The following MGARP variants were observed in gnomAD, a reference collection of about 807,000 sequenced individuals.
MGARP encodes the protein protein MGARP.
Under a neutral mutation model 11.0 loss-of-function variants are expected in MGARP, and 12 were observed. The ratio of observed to expected loss-of-function variants is 1.09; its 90% CI spans 0.70 to 1.77. MGARP has a LOEUF of 1.77. Among genes scored for constraint, MGARP ranks in the 40% most tolerant of loss-of-function variants. The pLI is 0.00. For missense variants in MGARP, 283 were observed against 297.8 expected (o/e 0.95, Z 0.36); for synonymous variants, 110 against 115.4 (o/e 0.95, Z 0.30).
Position 139,280,185 on chromosome 4 carries a change from C to A in MGARP, c.-27G>T, listed in dbSNP as rs773411416. ...GCGCCCGCTGTCCGCCGCGCAGCAG[C>A]CTCGGTACCCAGGCGCAGGCTGCCC... On this transcript the variant is annotated 5_prime_UTR_variant, in exon 1 of 4. Coordinates refer to ENST00000398955, the MANE Select transcript of MGARP (RefSeq NM_032623.4). The A allele has an allele frequency of 6.3e-7, 1 of 1,596,436 alleles. No homozygotes were observed. Among genetic ancestry groups the A allele is most frequent in the Admixed American group, 1.7e-5 (1 of 58,478 alleles).
rs79758182 is a variant in MGARP at position 139,271,717 on chromosome 4, G to C, written c.187-2952C>G. 8.3e-3 allele frequency among the ~76,000 whole-genome samples: 1,268 copies of C among 152,264 alleles called. 20 individuals carry two copies. Among genetic ancestry groups the C allele is most frequent in the African/African-American group, 0.029 (1,195 of 41,548 alleles). On this transcript the variant is annotated intron_variant, in intron 2 of 3. Transcript: ENST00000398955. ...GGAGAACAAGTATACAGGTTTTGGA[G>C]TGCCTTACATTCAGCATTTCCTCCT... is the stretch of plus-strand genomic sequence containing the variant.
chr4:139,268,585 G>GT, intron 3 of MGARP, 87 bp downstream of exon 3: 1 of 894,882 alleles, frequency 1.1e-6, no homozygotes, highest in Non-Finnish European at 1.7e-6. Flanking sequence ...GAAGCCAAAA[G>GT]CAAATAGTGT....
At chr4:139,276,699 A>G (rs1211057911) in intron 1 of MGARP, among the ~76,000 whole-genome samples, 1 of 152,038 alleles carries the variant, frequency 6.6e-6, no homozygotes, top group Non-Finnish European at 1.5e-5. Context: ...ATTTTATAAT[A>G]TTAGCTGAGA....
At chr4:139,275,422 C>A in intron 1 of MGARP, 30 bp from the exon 2 acceptor site, 1 of 1,559,080 alleles carries the variant, frequency 6.4e-7, no homozygotes, top group South Asian at 1.1e-5. Flanking sequence ...ACACAGTTAG[C>A]TTCACTAGTT....
At chr4:139,279,780 C>T (rs763795867) in intron 1 of MGARP, among the ~76,000 whole-genome samples, 4 of 152,206 alleles carry the variant, frequency 2.6e-5, no homozygotes, top group Non-Finnish European at 5.9e-5. Context: ...AAAGGAAAAC[C>T]ATCATCGCCC....
intron 1 of MGARP, 106 bp downstream of exon 1, chr4:139,279,971 C>T (rs922856571): frequency 8.6e-6 from 10 of 1,156,516 alleles, no homozygotes; most frequent in Non-Finnish European, 1.3e-5. Flanking sequence ...GCTTCTGCTG[C>T]TCTGGGTCGG....
intron 1 of MGARP, among the ~76,000 whole-genome samples, chr4:139,278,923 T>C (rs756432869): frequency 6.6e-5 from 10 of 152,050 alleles, no homozygotes; most frequent in Non-Finnish European, 1.5e-4. Flanking sequence ...TAGACCTCCG[T>C]CCTTCCCTCC....
At chr4:139,267,790 T>C (rs1389747292) in intron 3 of MGARP, among the ~76,000 whole-genome samples, 2 of 152,090 alleles carry the variant, frequency 1.3e-5, no homozygotes, top group African/African-American at 4.8e-5. Flanking sequence ...TAGTAATTGA[T>C]AATAATAGCT....
At chr4:139,271,572 C>T (rs1424624790) in intron 2 of MGARP, among the ~76,000 whole-genome samples, 2 of 152,106 alleles carry the variant, frequency 1.3e-5, no homozygotes, top group Non-Finnish European at 2.9e-5. Context: ...CCAATGACCC[C>T]TAATAGTCGA....
At chr4:139,275,930 T>A (rs935340908) in intron 1 of MGARP, among the ~76,000 whole-genome samples, 1 of 152,162 alleles carries the variant, frequency 6.6e-6, no homozygotes, top group Admixed American at 6.5e-5. Flanking sequence ...AAAGCAAATA[T>A]GGGCAGATAA....
rs1163554839 is a variant in MGARP, at chr4:139,266,666, G to A, written c.656C>T (p.Ser219Phe). ...EEENSPAESE[S>F]SAGDDLQEEA... ...CTCCTGTAAATCATCTCCAGCAGAGGACTCTGACTCAGCTGGAGAATTTTC... is the reference window on the plus strand; with the variant it reads ...CTCCTGTAAATCATCTCCAGCAGAGAACTCTGACTCAGCTGGAGAATTTTC... The change falls in exon 4 of 4, where the codon TCC becomes TTC. Residue 219 changes from serine (S) to phenylalanine (F), a missense_variant. Transcript: ENST00000398955. 2 of 1,614,030 alleles carry A rather than the reference G, an allele frequency of 1.2e-6. No individual in the cohort carries two copies. The highest frequency in any genetic ancestry group is 2.7e-5 in the African/African-American group (2 of 74,912).
chr4:139,274,484 T>A (rs1373721039), intron 2 of MGARP, among the ~76,000 whole-genome samples: 1 of 152,058 alleles, frequency 6.6e-6, no homozygotes, highest in Non-Finnish European at 1.5e-5. Context: ...TTATATTAAT[T>A]TTTTTAAATT....
intron 3 of MGARP, among the ~76,000 whole-genome samples, chr4:139,267,463 A>T (rs1414400298): frequency 1.3e-5 from 2 of 152,186 alleles, no homozygotes; most frequent in Non-Finnish European, 2.9e-5. Context: ...TTCATATGAG[A>T]CAGCATGGAA....
At position 139,266,984 on chromosome 4, in the gene MGARP, A is replaced by G; in HGVS notation, c.338T>C (p.Leu113Pro). 1 of 1,614,152 alleles carries G rather than the reference A, an allele frequency of 6.2e-7. No homozygotes were observed. Among genetic ancestry groups the G allele is most frequent in the Non-Finnish European group, 8.5e-7 (1 of 1,180,028 alleles). Residue 113 changes from leucine to proline, a missense_variant, in exon 4 of 4, where the codon CTT becomes CCT. Transcript: ENST00000398955. ...EKASSEAPEELIVEAEVVDAE... is the reference protein window; with the variant it reads ...EKASSEAPEEPIVEAEVVDAE... ...ATCTACCACCTCAGCTTCCACTATA[A>G]GTTCTTCTGGGGCTTCTGAACTTGC... is the stretch of plus-strand genomic sequence containing the variant.
chr4:139,267,246 AG>A (rs1307279745), intron 3 of MGARP, among the ~76,000 whole-genome samples: 2 of 152,108 alleles, frequency 1.3e-5, no homozygotes, highest in Non-Finnish European at 2.9e-5. Context: ...TTGGAGCAGG[AG>A]GGGGGTAAGT....
At chr4:139,271,527 A>C (rs1744781515) in intron 2 of MGARP, among the ~76,000 whole-genome samples, 1 of 152,200 alleles carries the variant, frequency 6.6e-6, no homozygotes, top group Non-Finnish European at 1.5e-5. Context: ...CCAGACCCTC[A>C]AAAAAACTGG....
At chr4:139,278,615 C>T (rs993756215) in intron 1 of MGARP, among the ~76,000 whole-genome samples, 12 of 151,990 alleles carry the variant, frequency 7.9e-5, no homozygotes, top group Non-Finnish European at 1.2e-4. Flanking sequence ...TGTGCGTGCA[C>T]GCGCGCATGA....
At chr4:139,274,706 C>A (rs1174533521) in intron 2 of MGARP, among the ~76,000 whole-genome samples, 1 of 152,160 alleles carries the variant, frequency 6.6e-6, no homozygotes, top group African/African-American at 2.4e-5. Context: ...AGGCCTCGAA[C>A]TCCTGACCTT....
At chr4:139,270,251 G>C (rs1744758059) in intron 2 of MGARP, among the ~76,000 whole-genome samples, 1 of 145,118 alleles carries the variant, frequency 6.9e-6, no homozygotes, top group South Asian at 2.2e-4. Flanking sequence ...AGTGAGCCGA[G>C]ATCGCACCAT....
Sources: allele counts gnomAD v4.1 joint callset (sites outside exome capture counted in the v4.1 genomes callset), GRCh38; gene constraint gnomAD v4.1.1; transcripts MANE v1.5; gene names NCBI Gene and HGNC (gene_info 2026-07-23, HGNC 2026-07-21).